RFX6: variants seen among roughly 807,000 people sequenced by gnomAD.
RFX6 encodes regulatory factor X6.
In RFX6, 50 loss-of-function variants were observed where a neutral mutation model predicts 110.8. The ratio of observed to expected loss-of-function variants is 0.45; its 90% CI spans 0.36 to 0.57. RFX6 has a LOEUF of 0.57. Among genes scored for constraint, RFX6 ranks in the 20% least tolerant of loss-of-function variants. The pLI, the probability that RFX6 is intolerant of heterozygous loss-of-function variation, is 0.00. For missense variants in RFX6, 990 were observed against 1,127.0 expected (o/e 0.88, Z 1.74); for synonymous variants, 383 against 411.2 (o/e 0.93, Z 0.83).
At chr6:116,904,083 C>T (rs2114681620) in intron 6 of RFX6, among the ~76,000 whole-genome samples, 1 of 151,994 alleles carries the variant, frequency 6.6e-6, no homozygotes, top group South Asian at 2.1e-4. Context: ...TTAGTTTTTG[C>T]CAGTCTTGTG....
intron 11 of RFX6, 152 bp downstream of exon 11, chr6:116,919,448 G>C (rs1048279674): frequency 2.2e-5 from 16 of 737,060 alleles, no homozygotes; most frequent in Non-Finnish European, 3.4e-5. Flanking sequence ...TGCTATGATA[G>C]AAAAAGCACA....
intron 12 of RFX6, 87 bp downstream of exon 12, chr6:116,920,541 G>A (rs983754392): frequency 2.7e-6 from 3 of 1,105,572 alleles, no homozygotes; most frequent in Admixed American, 1.7e-5. Flanking sequence ...GGAGGAGCCT[G>A]TCCAGTGTGC....
intron 12 of RFX6, 22 bp from the exon 13 acceptor site, chr6:116,922,018 CTT>C (rs77230084): frequency 3.5e-3 from 2,990 of 862,166 alleles, no homozygotes; most frequent in Non-Finnish European, 3.8e-3. Context: ...TCTTTTCTTT[CTT>C]TTTTTTTTTT....
chr6:116,906,418 C>T (rs1260581093), intron 6 of RFX6, among the ~76,000 whole-genome samples: 1 of 152,118 alleles, frequency 6.6e-6, no homozygotes, highest in African/African-American at 2.4e-5. Flanking sequence ...ACTAGGATTG[C>T]ATTGAATCAT....
At chr6:116,923,705 G>A (rs1775651336) in intron 14 of RFX6, among the ~76,000 whole-genome samples, 1 of 152,056 alleles carries the variant, frequency 6.6e-6, no homozygotes, top group South Asian at 2.1e-4. Context: ...TGCACTCCAG[G>A]AATCAAAAAA....
rs764889654 is a variant in RFX6, at chr6:116,925,651, C to T, written c.1877C>T (p.Pro626Leu). 3.2e-5 allele frequency: 52 copies of T among 1,611,954 alleles called. No homozygotes were observed. The South Asian group carries it at 3.5e-4, about 11-fold the overall frequency. ...CCTGCTGGGAACACAGACAACATGC[C>T]GCTCACAGGTACGCTAAAGAGAACT... Reference protein sequence around the residue: ...QFPAGNTDNMPLTGQMELSQI... With the variant: ...QFPAGNTDNMLLTGQMELSQI... The change falls in exon 16 of 19, where the codon CCG (proline) becomes CTG (leucine). Residue 626 changes from proline (P) to leucine (L), a missense_variant. Around this residue, in one of 5 missense-constraint regions of RFX6, gnomAD observed 438 missense variants for 441.9 expected, o/e 0.99. Coordinates refer to ENST00000332958, the MANE Select transcript of RFX6 (RefSeq NM_173560.4).
chr6:116,917,048 G>T (rs1027899724), intron 9 of RFX6, among the ~76,000 whole-genome samples: 2 of 152,090 alleles, frequency 1.3e-5, no homozygotes, highest in African/African-American at 4.8e-5. Context: ...CAAGCTGGAC[G>T]CTGTTAAACA....
rs373152553 is a variant in RFX6, at chr6:116,880,616, T to C, written c.453T>C (p.Asp151=). 1 of 1,613,492 alleles carries C rather than the reference T, an allele frequency of 6.2e-7. No homozygotes were observed. Among genetic ancestry groups the C allele is most frequent in the Non-Finnish European group, 8.5e-7 (1 of 1,179,512 alleles). ...GCATTCTTTATGCACACTACTTAGA[T>C]TTCTGTAGGAAAGAGAAATTAGAGC... is the stretch of plus-strand genomic sequence containing the variant. ...PRCILYAHYL[D]FCRKEKLEPA... is the part of the protein sequence containing the mutation. The change falls in exon 3 of 19, where the codon GAT becomes GAC. Residue 151 remains aspartate (D), a synonymous_variant. Coordinates refer to ENST00000332958, the MANE Select transcript of RFX6 (RefSeq NM_173560.4).
chr6:116,915,873 A>G, intron 7 of RFX6, 135 bp from the exon 8 acceptor site: 1 of 725,152 alleles, frequency 1.4e-6, no homozygotes, highest in Non-Finnish European at 2.5e-6. Flanking sequence ...TTTTGCCTTA[A>G]TTTTTGAGTC....
chr6:116,931,684 G>T lies in RFX6; in HGVS notation c.*178G>T, dbSNP rs1005243564. Reference sequence around the variant, plus strand: ...GTGAATGGAGATACTTGCAGAGCTTGTCATGCACACTAAGAGTTTAAAATG... The same window carrying T: ...GTGAATGGAGATACTTGCAGAGCTTTTCATGCACACTAAGAGTTTAAAATG... On this transcript the variant is annotated 3_prime_UTR_variant, in exon 19 of 19. Coordinates refer to ENST00000332958, the MANE Select transcript of RFX6 (RefSeq NM_173560.4). 1 of 585,530 alleles carries T rather than the reference G, an allele frequency of 1.7e-6. No homozygotes were observed. The highest frequency in any genetic ancestry group is 3.0e-6 in the Non-Finnish European group (1 of 330,394). 36.3% of individuals were successfully genotyped at this position (585,530 alleles called of 1,614,324 possible). A position where few individuals can be genotyped will look rare whatever the true frequency, so the allele number is the denominator to read the frequency against.
intron 6 of RFX6, among the ~76,000 whole-genome samples, chr6:116,898,078 C>G (rs1336847361): frequency 2.0e-5 from 3 of 152,074 alleles, no homozygotes; most frequent in Non-Finnish European, 4.4e-5. Flanking sequence ...GAGGAGAATA[C>G]AGTGTCACAG....
chr6:116,882,294 G>A, intron 3 of RFX6, 73 bp from the exon 4 acceptor site: 1 of 1,041,896 alleles, frequency 9.6e-7, no homozygotes, highest in African/African-American at 1.6e-5. Context: ...CTTTCCCCAA[G>A]TAATTGGCTA....
chr6:116,920,304 A>T lies in RFX6; in HGVS notation c.1183-6A>T, dbSNP rs1775565058. ...GTGTAGTGTCTTCTTTACTTTCTCT[A>T]TGCAGATTGCCAGACCAGCTCTCTT... On this transcript the variant is annotated splice_region_variant and splice_polypyrimidine_tract_variant and intron_variant, in intron 11 of 18. Coordinates refer to ENST00000332958, the MANE Select transcript of RFX6 (RefSeq NM_173560.4). 7.5e-6 allele frequency: 12 copies of T among 1,607,950 alleles called. No individual in the cohort carries two copies. Among genetic ancestry groups the T allele is most frequent in the Middle Eastern group, 1.7e-4 (1 of 6,044 alleles).
At position 116,927,120 on chromosome 6, in the gene RFX6, C is replaced by G. The variant is rs576501703; in HGVS notation, c.1979C>G (p.Pro660Arg). The G allele has an allele frequency of 4.8e-5, 78 of 1,614,102 alleles. No individual in the cohort carries two copies. The East Asian group carries it at 1.6e-3, about 34-fold the overall frequency. ...ASRGSVINQG[P>R]MAGRPPSVGP... ...CGAGGAAGTGTCATTAACCAAGGAC[C>G]AATGGCAGGGAGGCCCCCAAGTGTG... Residue 660 changes from proline (P) to arginine (R), a missense_variant, in exon 17 of 19, where the codon CCA becomes CGA. Around this residue, in one of 5 missense-constraint regions of RFX6, gnomAD observed 438 missense variants for 441.9 expected, o/e 0.99. Coordinates refer to ENST00000332958, the MANE Select transcript of RFX6 (RefSeq NM_173560.4).
chr6:116,906,801 A>T lies in RFX6; in HGVS notation c.673-4134A>T, dbSNP rs542306268. The stretch of plus-strand genomic sequence containing the variant: ...GGGTTTCTACATATAAGATTATATC[A>T]TCTGTGAACAGAGATTTTCTACTTC... On this transcript the variant is annotated intron_variant, in intron 6 of 18. Transcript: ENST00000332958. Among the ~76,000 whole-genome samples, 10 of 149,514 alleles carry T rather than the reference A, an allele frequency of 6.7e-5. No homozygotes were observed. In the East Asian group the frequency reaches 1.9e-3, roughly 29 times the overall value.
chr6:116,925,722 C>CTT lies in RFX6; in HGVS notation c.1885+64_1885+65dup, dbSNP rs1775709215. On this transcript the variant is annotated intron_variant, in intron 16 of 18. Coordinates refer to ENST00000332958, the MANE Select transcript of RFX6 (RefSeq NM_173560.4). ...CAGAGAAGCCTGTTGCTTCATTTTT[C>CTT]TTAAAACTCATAACTTCCAGTCCAG... is the stretch of plus-strand genomic sequence containing the variant. 3.5e-6 allele frequency: 4 copies of CTT among 1,131,274 alleles called. No homozygotes were observed. In the South Asian group the frequency reaches 5.1e-5, roughly 14 times the overall value. The allele number at this position is 1,131,274 out of a possible 1,614,324, so 70.1% of individuals were successfully genotyped here. A position where few individuals can be genotyped will look rare whatever the true frequency, so the allele number is the denominator to read the frequency against.
At chr6:116,907,186 C>T (rs1020968049) in intron 6 of RFX6, among the ~76,000 whole-genome samples, 1 of 151,928 alleles carries the variant, frequency 6.6e-6, no homozygotes, top group African/African-American at 2.4e-5. Context: ...ATTGAACCAT[C>T]CTTGCATTCC....
intron 6 of RFX6, among the ~76,000 whole-genome samples, chr6:116,904,919 C>G (rs1227655839): frequency 6.6e-6 from 1 of 152,206 alleles, no homozygotes; most frequent in Non-Finnish European, 1.5e-5. Flanking sequence ...ATCCATTCAT[C>G]TGTCGATGGA....
chr6:116,928,834 T>C lies in RFX6; in HGVS notation c.2474T>C (p.Ile825Thr), dbSNP rs1774348161. The C allele has an allele frequency of 4.3e-6, 7 of 1,614,026 alleles. No individual in the cohort carries two copies. The highest frequency in any genetic ancestry group is 1.3e-5 in the African/African-American group (1 of 75,034). ...GSMVNQHVSV[I>T]SSIRSLPPYS... ...ATGGTGAATCAGCACGTTTCTGTCA[T>C]CAGCAGCATTCGTTCACTGCCCCCC... Residue 825 changes from isoleucine to threonine, a missense_variant, in exon 18 of 19, where the codon ATC (isoleucine) becomes ACC (threonine). By Grantham distance (89) the Ile-to-Thr change is moderately conservative (BLOSUM62 -1). Transcript: ENST00000332958.
Sources: gnomAD v4.1 joint callset for allele counts (sites outside exome capture counted in the v4.1 genomes callset) on GRCh38, gnomAD v4.1.1 for gene constraint, gnomAD v4.1.1 regional missense constraint, MANE v1.5 for transcripts, NCBI Gene and HGNC (gene_info 2026-07-23, HGNC 2026-07-21) for gene names.